FAM185A: variants seen among roughly 807,000 people sequenced by gnomAD.
FAM185A encodes the protein family with sequence similarity 185 member A, also known as protein FAM185A.
Under a neutral mutation model 45.7 loss-of-function variants are expected in FAM185A, and 21 were observed. That is an observed-to-expected ratio of 0.46 (90% CI 0.33 to 0.66). FAM185A has a LOEUF of 0.66. Ranked by LOEUF, FAM185A falls within the 30% of genes least tolerant of loss-of-function variation. The pLI, the probability that FAM185A is intolerant of heterozygous loss-of-function variation, is 0.03. For missense variants in FAM185A, 305 were observed against 485.4 expected (o/e 0.63, Z 3.49); for synonymous variants, 117 against 194.0 (o/e 0.60, Z 3.30).
At chr7:102,843,786 AT>A in the FAM185A span, among the ~76,000 whole-genome samples, 1 of 152,218 alleles carries the variant, frequency 6.6e-6, no homozygotes, top group Non-Finnish European at 1.5e-5. Flanking sequence ...AATAAAAAAA[AT>A]AAAATAATAA....
At chr7:102,751,635 T>C in intron 1 of FAM185A, 57 bp from the exon 2 acceptor site, 2 of 1,486,092 alleles carry the variant, frequency 1.3e-6, no homozygotes, top group South Asian at 1.4e-5. Flanking sequence ...TAGGTTAAAA[T>C]GCTTTGGAGC....
intron 4 of FAM185A, among the ~76,000 whole-genome samples, chr7:102,770,170 T>C (rs1794663174): frequency 6.6e-6 from 1 of 152,010 alleles, no homozygotes; most frequent in Non-Finnish European, 1.5e-5. Flanking sequence ...GGATAGTCAG[T>C]AGACTTAGCA....
At chr7:102,780,671 G>A (rs959469576) in intron 6 of FAM185A, among the ~76,000 whole-genome samples, 31 of 152,130 alleles carry the variant, frequency 2.0e-4, no homozygotes, top group Admixed American at 7.2e-4. Flanking sequence ...TAAAAGCATG[G>A]GCTTTAGGGT....
chr7:102,849,110 C>T, the FAM185A span, among the ~76,000 whole-genome samples: 6 of 152,082 alleles, frequency 3.9e-5, no homozygotes, highest in Admixed American at 6.6e-5. Flanking sequence ...GCATTTAAGC[C>T]CATTTCTTTG....
At chr7:102,810,998 A>T (rs1797396945), downstream of FAM185A, among the ~76,000 whole-genome samples, 1 of 152,194 alleles carries the variant, frequency 6.6e-6, no homozygotes, top group African/African-American at 2.4e-5. Context: ...ACCCTTCATG[A>T]AATCAGAATG....
the FAM185A span, among the ~76,000 whole-genome samples, chr7:102,814,680 A>G: frequency 6.6e-6 from 1 of 152,224 alleles, no homozygotes; most frequent in Admixed American, 6.5e-5. Flanking sequence ...ATCATATACT[A>G]ATTCCTAGTT....
chr7:102,761,228 C>A (rs1584284725), intron 3 of FAM185A, 45 bp from the exon 4 acceptor site: 1 of 1,491,736 alleles, frequency 6.7e-7, no homozygotes, highest in Non-Finnish European at 8.9e-7. Context: ...TGGCTTTTTA[C>A]CAGTCTTTGT....
the FAM185A span, among the ~76,000 whole-genome samples, chr7:102,850,125 T>C: frequency 2.6e-5 from 4 of 152,318 alleles, 1 homozygote; most frequent in Middle Eastern, 6.8e-3. Context: ...TTTAAAGATA[T>C]GCCAGAACTC....
At chr7:102,818,841 T>TTGTGACATAGGTAAACG in the FAM185A span, among the ~76,000 whole-genome samples, 3 of 152,182 alleles carry the variant, frequency 2.0e-5, no homozygotes, top group Admixed American at 2.0e-4. Flanking sequence ...ATGTACAGGT[T>TTGTGACATAGGTAAACG]TGTGACATAG....
intron 4 of FAM185A, among the ~76,000 whole-genome samples, chr7:102,763,521 C>T (rs1479213940): frequency 2.6e-5 from 4 of 152,144 alleles, no homozygotes; most frequent in African/African-American, 9.7e-5. Flanking sequence ...GATACAGTTT[C>T]AGTAACCCAC....
chr7:102,793,280 C>T (rs565435834), intron 7 of FAM185A, among the ~76,000 whole-genome samples: 3 of 152,084 alleles, frequency 2.0e-5, no homozygotes, highest in East Asian at 1.9e-4. Flanking sequence ...GGCACCATCT[C>T]GGCTCACTGC....
intron 6 of FAM185A, among the ~76,000 whole-genome samples, chr7:102,782,302 C>T (rs895794930): frequency 1.9e-4 from 29 of 152,200 alleles, no homozygotes; most frequent in African/African-American, 6.5e-4. Flanking sequence ...ACAGAGAATG[C>T]CACAAAGATA....
downstream of FAM185A, among the ~76,000 whole-genome samples, chr7:102,811,061 G>A (rs1046071435): frequency 2.6e-5 from 4 of 152,180 alleles, no homozygotes; most frequent in Non-Finnish European, 2.9e-5. Context: ...TGGTTGTGGT[G>A]TGTTATACTA....
chr7:102,832,799 G>C, the FAM185A span: 2 of 1,611,924 alleles, frequency 1.2e-6, no homozygotes, highest in Admixed American at 3.3e-5. Context: ...CCTTGGCAGT[G>C]CTTAAATTGG....
chr7:102,828,819 G>A, the FAM185A span, among the ~76,000 whole-genome samples: 2 of 152,172 alleles, frequency 1.3e-5, no homozygotes, highest in Non-Finnish European at 2.9e-5. Flanking sequence ...AGCTTTAGCT[G>A]AGCCTGGGGC....
chr7:102,795,237 G>A (rs1796378354), intron 7 of FAM185A, among the ~76,000 whole-genome samples: 2 of 152,214 alleles, frequency 1.3e-5, no homozygotes. Flanking sequence ...TTTTGATAGT[G>A]CAGTATAGTT....
intron 4 of FAM185A, among the ~76,000 whole-genome samples, chr7:102,765,013 A>G (rs1265053021): frequency 1.3e-5 from 2 of 152,340 alleles, no homozygotes; most frequent in African/African-American, 2.4e-5. Flanking sequence ...TACTTAATGA[A>G]CAATTGGCTG....
At chr7:102,776,640 G>A (rs1440167002) in intron 5 of FAM185A, among the ~76,000 whole-genome samples, 7 of 150,452 alleles carry the variant, frequency 4.7e-5, no homozygotes, top group Non-Finnish European at 1.0e-4. Flanking sequence ...TGTAATCCCA[G>A]GAGTATGGCT....
the FAM185A span, among the ~76,000 whole-genome samples, chr7:102,847,332 G>A: frequency 6.6e-6 from 1 of 152,146 alleles, no homozygotes; most frequent in Non-Finnish European, 1.5e-5. Flanking sequence ...GGCCATGTAA[G>A]AGGCAGAATT....
Sources: allele counts gnomAD v4.1 joint callset (sites outside exome capture counted in the v4.1 genomes callset), GRCh38; gene constraint gnomAD v4.1.1; transcripts MANE v1.5; gene names NCBI Gene and HGNC (gene_info 2026-07-23, HGNC 2026-07-21).